The following KAZN variants were observed in gnomAD, a reference collection of about 807,000 sequenced individuals.
KAZN encodes kazrin, periplakin interacting protein.
KAZN carries 40 observed loss-of-function variants against 87.4 expected under a neutral mutation model. The observed-to-expected ratio is 0.46, with a 90% CI of 0.36 to 0.60. The LOEUF (loss-of-function observed/expected upper bound fraction) is 0.60. KAZN is among the 20% of genes least tolerant of loss of function. The probability of loss-of-function intolerance (pLI) is 0.00; values close to 1 mark genes in which losing one functional copy is unlikely to be tolerated. For synonymous variants in KAZN, 466 were observed against 458.3 expected (o/e 1.02, Z -0.22); for missense variants, 898 against 1,073.9 (o/e 0.84, Z 2.29).
At chr1:14,721,981 C>G (rs143562116) in intron 1 of KAZN, among the ~76,000 whole-genome samples, 1 of 151,814 alleles carries the variant, frequency 6.6e-6, no homozygotes, top group Admixed American at 6.6e-5. Flanking sequence ...TGGTGAAACC[C>G]CCTTCTCTAC....
chr1:14,103,980 G>A (rs982587710), intron 1 of KAZN, among the ~76,000 whole-genome samples: 3 of 152,118 alleles, frequency 2.0e-5, no homozygotes, highest in African/African-American at 7.2e-5. Flanking sequence ...AGACAAATAG[G>A]CAAAAATCGA....
At chr1:14,920,797 C>T (rs1413807057) in intron 1 of KAZN, among the ~76,000 whole-genome samples, 1 of 152,114 alleles carries the variant, frequency 6.6e-6, no homozygotes, top group Admixed American at 6.5e-5. Flanking sequence ...TCTAAACCCC[C>T]AAGAGTTATC....
At chr1:13,982,165 G>C (rs535213671) in intron 1 of KAZN, among the ~76,000 whole-genome samples, 8 of 152,288 alleles carry the variant, frequency 5.3e-5, no homozygotes, top group Non-Finnish European at 8.8e-5. Flanking sequence ...GGACATCCTG[G>C]GCTCTGCTCA....
At position 13,950,220 on chromosome 1, in the gene KAZN, C is replaced by T. The variant is rs181388551; in HGVS notation, c.91+56464C>T. On this transcript the variant is annotated intron_variant, in intron 1 of 16. Coordinates refer to the KAZN transcript ENST00000636203. ...GGTTTTTCTCTGTCCCCGCCTCCTC[C>T]GATGGTCCTGCACAATGCTTCCTTG... Among the ~76,000 whole-genome samples the T allele has an allele frequency of 2.8e-4, 42 of 152,248 alleles. No homozygotes were observed. In the East Asian group the frequency reaches 6.0e-3, roughly 22 times the overall value.
intron 1 of KAZN, among the ~76,000 whole-genome samples, chr1:14,025,090 C>T (rs1217639481): frequency 1.3e-5 from 2 of 152,226 alleles, no homozygotes; most frequent in Non-Finnish European, 2.9e-5. Context: ...TGTCTTGGTT[C>T]CTCCCAGAGT....
intron 2 of KAZN, among the ~76,000 whole-genome samples, chr1:14,518,760 GA>G (rs2148460618): frequency 6.6e-6 from 1 of 152,334 alleles, no homozygotes; most frequent in South Asian, 2.1e-4. Context: ...GCAAGATGGT[GA>G]AAATACAAGG....
chr1:14,271,243 C>T (rs1332631130), intron 2 of KAZN, among the ~76,000 whole-genome samples: 1 of 152,216 alleles, frequency 6.6e-6, no homozygotes, highest in African/African-American at 2.4e-5. Flanking sequence ...TTGATTACCT[C>T]TTTCAAGACT....
chr1:14,342,351 T>A (rs775385619), intron 2 of KAZN, among the ~76,000 whole-genome samples: 29 of 152,212 alleles, frequency 1.9e-4, no homozygotes, highest in Non-Finnish European at 3.8e-4. Flanking sequence ...GGTATATACC[T>A]AGTAATGGGA....
intron 1 of KAZN, among the ~76,000 whole-genome samples, chr1:14,955,321 C>T (rs1047586437): frequency 2.0e-5 from 3 of 152,228 alleles, no homozygotes; most frequent in Admixed American, 1.3e-4. Context: ...CCATCTCCCC[C>T]GTTTTACAGG....
chr1:14,753,354 C>T (rs969342258), intron 1 of KAZN, among the ~76,000 whole-genome samples: 1 of 152,028 alleles, frequency 6.6e-6, no homozygotes, highest in African/African-American at 2.4e-5. Flanking sequence ...TGACAAATGC[C>T]ACAAGGTGAC....
At chr1:14,051,428 T>C (rs1642323864) in intron 1 of KAZN, among the ~76,000 whole-genome samples, 1 of 152,200 alleles carries the variant, frequency 6.6e-6, no homozygotes, top group Non-Finnish European at 1.5e-5. Context: ...CTTGTTCATC[T>C]ACCACGCCTG....
intron 1 of KAZN, among the ~76,000 whole-genome samples, chr1:13,922,771 G>A (rs569143801): frequency 6.6e-6 from 1 of 152,238 alleles, no homozygotes; most frequent in Non-Finnish European, 1.5e-5. Context: ...AGAGTCAGTG[G>A]TGGGGTCACC....
chr1:14,199,324 A>G (rs1646591861), intron 2 of KAZN, among the ~76,000 whole-genome samples: 1 of 152,002 alleles, frequency 6.6e-6, no homozygotes, highest in African/African-American at 2.4e-5. Flanking sequence ...CCGATCTCCC[A>G]CCTTTGAACA....
At chr1:14,993,417 C>G (rs532007097) in intron 2 of KAZN, among the ~76,000 whole-genome samples, 132 of 151,678 alleles carry the variant, frequency 8.7e-4, no homozygotes, top group African/African-American at 3.0e-3. Flanking sequence ...TGCAGTGAGC[C>G]AAGATCACGC....
At chr1:15,033,062 C>G (rs1671892316) in intron 2 of KAZN, among the ~76,000 whole-genome samples, 1 of 151,822 alleles carries the variant, frequency 6.6e-6, no homozygotes, top group South Asian at 2.1e-4. Flanking sequence ...TACAGTATAA[C>G]AACTATTCAT....
At chr1:14,740,229 G>A (rs1375917129) in intron 1 of KAZN, among the ~76,000 whole-genome samples, 1 of 152,190 alleles carries the variant, frequency 6.6e-6, no homozygotes, top group African/African-American at 2.4e-5. Flanking sequence ...GGTATGACAC[G>A]TAAGAGCTCC....
chr1:14,492,308 C>G (rs756212527), intron 2 of KAZN, among the ~76,000 whole-genome samples: 1 of 152,046 alleles, frequency 6.6e-6, no homozygotes, highest in Non-Finnish European at 1.5e-5. Context: ...AGTTGGTCGC[C>G]ACCATGAATT....
chr1:14,146,405 G>A (rs1418878190), intron 1 of KAZN, among the ~76,000 whole-genome samples: 1 of 151,324 alleles, frequency 6.6e-6, no homozygotes, highest in Non-Finnish European at 1.5e-5. Flanking sequence ...GCATGGTGGT[G>A]GGCACCTGTA....
chr1:14,097,201 G>T (rs1258017934), intron 1 of KAZN, among the ~76,000 whole-genome samples: 5 of 152,204 alleles, frequency 3.3e-5, no homozygotes, highest in Non-Finnish European at 7.3e-5. Context: ...GACATAGGAA[G>T]AAGGGAAACT....
Sources: allele counts gnomAD v4.1 joint callset (sites outside exome capture counted in the v4.1 genomes callset), GRCh38; gene constraint gnomAD v4.1.1; transcripts MANE v1.5; gene names NCBI Gene and HGNC (gene_info 2026-07-23, HGNC 2026-07-21).